The following CD300E variants were observed in gnomAD, a reference collection of about 807,000 sequenced individuals.
CD300E encodes CD300e molecule.
CD300E carries 14 observed loss-of-function variants against 20.9 expected under a neutral mutation model. The observed-to-expected ratio is 0.67, with a 90% CI of 0.44 to 1.05. The LOEUF is 1.05. Among genes scored for constraint, CD300E ranks in the 50% least tolerant of loss-of-function variants. The probability of loss-of-function intolerance (pLI) is 0.00; values close to 1 mark genes in which losing one functional copy is unlikely to be tolerated. For synonymous variants in CD300E, 102 were observed against 103.7 expected (o/e 0.98, Z 0.10); for missense variants, 237 against 253.9 (o/e 0.93, Z 0.45).
chr17:74,616,983 C>T, intron 2 of CD300E, 135 bp downstream of exon 2: 1 of 769,098 alleles, frequency 1.3e-6, no homozygotes, highest in Non-Finnish European at 2.2e-6. Flanking sequence ...CATGCCCATG[C>T]CATAGGCTCC....
chr17:74,622,625 A>T (rs2031044812), intron 1 of CD300E, among the ~76,000 whole-genome samples: 2 of 152,160 alleles, frequency 1.3e-5, no homozygotes, highest in Non-Finnish European at 2.9e-5. Flanking sequence ...TGTATTTTGA[A>T]TGTCTATTAA....
intron 3 of CD300E, 70 bp from the exon 4 acceptor site, chr17:74,612,843 T>TC: frequency 6.3e-7 from 1 of 1,575,948 alleles, no homozygotes; most frequent in Non-Finnish European, 8.6e-7. Flanking sequence ...TCCCCACCTC[T>TC]CCCCATGCTC....
chr17:74,618,728 C>T (rs1057239398), intron 1 of CD300E, among the ~76,000 whole-genome samples: 1 of 152,126 alleles, frequency 6.6e-6, no homozygotes, highest in Non-Finnish European at 1.5e-5. Flanking sequence ...ACCCCACCAA[C>T]CATGCTTGGC....
At chr17:74,616,471 G>A (rs530058931) in intron 2 of CD300E, among the ~76,000 whole-genome samples, 19 of 152,286 alleles carry the variant, frequency 1.2e-4, no homozygotes, top group African/African-American at 4.6e-4. Flanking sequence ...GGCAGAGGTT[G>A]GAGTGGAGGC....
rs2030807350 is a variant in CD300E at position 74,612,588 on chromosome 17, G to A, written c.*65C>T. Reference sequence around the variant, plus strand: ...CAGGTCTCTCGCATCCAGTCTGAAAGGTTGACTCCCTGCACGGGGCACTCC... The same window carrying A: ...CAGGTCTCTCGCATCCAGTCTGAAAAGTTGACTCCCTGCACGGGGCACTCC... On this transcript the variant is annotated 3_prime_UTR_variant, in exon 4 of 4. Transcript: ENST00000392619. The A allele has an allele frequency of 1.9e-6, 3 of 1,590,130 alleles. No individual in the cohort carries two copies. Among genetic ancestry groups the A allele is most frequent in the South Asian group, 2.2e-5 (2 of 89,572 alleles).
chr17:74,611,170 A>G lies in CD300E; in HGVS notation c.*1483T>C, dbSNP rs543488429. 6 of 152,306 alleles carry G rather than the reference A, an allele frequency of 3.9e-5. No homozygotes were observed. Among genetic ancestry groups the G allele is most frequent in the East Asian group, 1.9e-4 (1 of 5,188 alleles). 9.4% of individuals were successfully genotyped at this position (152,306 alleles called of 1,614,324 possible). ...TATTTCCCGGGTTAATATAATTAAT[A>G]TGGGCCTTGTTAGATTGAATTTCTC... On this transcript the variant is annotated 3_prime_UTR_variant, in exon 4 of 4. Coordinates refer to ENST00000392619, the MANE Select transcript of CD300E (RefSeq NM_181449.3).
chr17:74,618,921 G>A (rs966323015), intron 1 of CD300E, among the ~76,000 whole-genome samples: 5 of 151,748 alleles, frequency 3.3e-5, no homozygotes, highest in African/African-American at 7.3e-5. Flanking sequence ...CGCACCTTCT[G>A]AGCACTCCCC....
At chr17:74,620,742 C>T (rs2031002370) in intron 1 of CD300E, among the ~76,000 whole-genome samples, 2 of 152,112 alleles carry the variant, frequency 1.3e-5, no homozygotes, top group Non-Finnish European at 2.9e-5. Context: ...AAGCCACCTC[C>T]AAAATGGAGG....
At chr17:74,623,534 G>C (rs753043255) in intron 1 of CD300E, 48 bp downstream of exon 1, 1 of 1,603,010 alleles carries the variant, frequency 6.2e-7, no homozygotes, top group South Asian at 1.1e-5. Flanking sequence ...TCTACCTACT[G>C]TCCTGCCCCC....
Position 74,612,239 on chromosome 17 carries a change from CTCTCTCTG to C in CD300E, c.*406_*413del, listed in dbSNP as rs1232306067. 4 of 136,416 alleles carry C rather than the reference CTCTCTCTG, an allele frequency of 2.9e-5. No individual in the cohort carries two copies. The highest frequency in any genetic ancestry group is 2.4e-4 in the South Asian group (1 of 4,160). The allele number at this position is 136,416 out of a possible 1,614,324, so 8.5% of individuals were successfully genotyped here. A position where few individuals can be genotyped will look rare whatever the true frequency, so the allele number is the denominator to read the frequency against. ...TCTCTCTCTCGCTCTCTCTCTCTCTCTCTCTCTGTCTCTCTCTCTCTCTCTCTCTCTCT... is the reference window on the plus strand; with the variant it reads ...TCTCTCTCTCGCTCTCTCTCTCTCTCTCTCTCTCTCTCTCTCTCTCTCTCT... On this transcript the variant is annotated 3_prime_UTR_variant, in exon 4 of 4. Coordinates refer to ENST00000392619, the MANE Select transcript of CD300E (RefSeq NM_181449.3).
In CD300E at chr17:74,611,994, GC is replaced by G. The variant is rs1267749632; in HGVS notation, c.*658del. ...CATGAGCAAGCTCTGCCGGGACCAAGCTCCCTTGGGGTTGTCCCAGAGAAGA... is the reference window on the plus strand; with the variant it reads ...CATGAGCAAGCTCTGCCGGGACCAAGTCCCTTGGGGTTGTCCCAGAGAAGA... On this transcript the variant is annotated 3_prime_UTR_variant, in exon 4 of 4. Coordinates refer to ENST00000392619, the MANE Select transcript of CD300E (RefSeq NM_181449.3). 6.6e-6 allele frequency: 1 copy of G among 152,354 alleles called. No individual in the cohort carries two copies. Among genetic ancestry groups the G allele is most frequent in the Non-Finnish European group, 1.5e-5 (1 of 68,158 alleles). The allele number at this position is 152,354 out of a possible 1,614,324, so 9.4% of individuals were successfully genotyped here.
chr17:74,612,679 G>A lies in CD300E; in HGVS notation c.592C>T (p.Pro198Ser), dbSNP rs1305134094. 29 of 1,613,738 alleles carry A rather than the reference G, an allele frequency of 1.8e-5. No individual in the cohort carries two copies. The highest frequency in any genetic ancestry group is 2.0e-5 in the Non-Finnish European group (24 of 1,179,974). Residue 198 changes from proline to serine, a missense_variant, in exon 4 of 4, where the codon CCT becomes TCT. Transcript: ENST00000392619. Reference protein sequence around the residue: ...MLGAVFWVNRPQWAPPGR With the variant: ...MLGAVFWVNRSQWAPPGR Reference sequence around the variant, plus strand: ...TATCTTCCAGGAGGAGCCCACTGAGGCCTGTTCACCCAGAAGACAGCACCC... The same window carrying A: ...TATCTTCCAGGAGGAGCCCACTGAGACCTGTTCACCCAGAAGACAGCACCC...
At position 74,623,489 on chromosome 17, in the gene CD300E, A is replaced by G. The variant is rs2031064955; in HGVS notation, c.40+93T>C. ...GGATGTATCTTTCCCTTTTCTGTGG[A>G]CACTTCACCTCTGGTTTGAACCCAG... On this transcript the variant is annotated intron_variant, in intron 1 of 3. Transcript: ENST00000392619. 1.1e-5 allele frequency: 13 copies of G among 1,201,236 alleles called. No homozygotes were observed. In the Admixed American group the frequency reaches 2.1e-4, roughly 19 times the overall value. 74.4% of individuals were successfully genotyped at this position (1,201,236 alleles called of 1,614,324 possible). A position where few individuals can be genotyped will look rare whatever the true frequency, so the allele number is the denominator to read the frequency against.
chr17:74,623,545 T>C, intron 1 of CD300E, 37 bp downstream of exon 1: 1 of 1,612,180 alleles, frequency 6.2e-7, no homozygotes, highest in Non-Finnish European at 8.5e-7. Flanking sequence ...TCCTGCCCCC[T>C]GCAAAACCAA....
chr17:74,613,918 T>C lies in CD300E; in HGVS notation c.497+7A>G, dbSNP rs1264443024. The C allele has an allele frequency of 1.9e-6, 3 of 1,608,486 alleles. No homozygotes were observed. The highest frequency in any genetic ancestry group is 2.7e-5 in the African/African-American group (2 of 74,832). On this transcript the variant is annotated splice_region_variant and intron_variant, in intron 3 of 3. Transcript: ENST00000392619. ...CCCTCCATGGCCTCCAGGCCCTGCG[T>C]GCTTACCCTGAATTTTGGGTCAACA...
At chr17:74,618,395 A>G (rs1457914210) in intron 1 of CD300E, among the ~76,000 whole-genome samples, 1 of 152,164 alleles carries the variant, frequency 6.6e-6, no homozygotes, top group Admixed American at 6.5e-5. Flanking sequence ...GATGAGGCTG[A>G]GCTTTGCACC....
intron 3 of CD300E, among the ~76,000 whole-genome samples, chr17:74,613,615 G>A (rs2030831570): frequency 6.6e-6 from 1 of 152,174 alleles, no homozygotes; most frequent in Non-Finnish European, 1.5e-5. Context: ...ACAGAACTGG[G>A]ACCCCAAGTC....
intron 1 of CD300E, among the ~76,000 whole-genome samples, chr17:74,618,361 G>A (rs545833587): frequency 6.6e-6 from 1 of 152,348 alleles, no homozygotes; most frequent in African/African-American, 2.4e-5. Context: ...GGGTGTGAGA[G>A]AGAGGGAGAG....
At position 74,612,230 on chromosome 17, in the gene CD300E, T is replaced by TCG. The variant is rs1319567070; in HGVS notation, c.*422_*423insCG. Reference sequence around the variant, plus strand: ...CTCTCTCTCTCTCTCTCTCGCTCTCTCTCTCTCTCTCTCTCTGTCTCTCTC... The same window carrying TCG: ...CTCTCTCTCTCTCTCTCTCGCTCTCTCGCTCTCTCTCTCTCTCTGTCTCTCTC... On this transcript the variant is annotated 3_prime_UTR_variant, in exon 4 of 4. Coordinates refer to ENST00000392619, the MANE Select transcript of CD300E (RefSeq NM_181449.3). 3 of 121,704 alleles carry TCG rather than the reference T, an allele frequency of 2.5e-5. No homozygotes were observed. Among genetic ancestry groups the TCG allele is most frequent in the African/African-American group, 1.3e-4 (3 of 22,316 alleles). The allele number at this position is 121,704 out of a possible 1,614,324, so 7.5% of individuals were successfully genotyped here.
Sources: gnomAD v4.1 joint callset for allele counts (sites outside exome capture counted in the v4.1 genomes callset) on GRCh38, gnomAD v4.1.1 for gene constraint, MANE v1.5 for transcripts, NCBI Gene and HGNC (gene_info 2026-07-23, HGNC 2026-07-21) for gene names.